The following BMPER variants were observed in gnomAD, a reference collection of about 807,000 sequenced individuals.
BMPER encodes the protein BMP-binding endothelial regulator protein.
Under a neutral mutation model 87.3 loss-of-function variants are expected in BMPER, and 45 were observed. The ratio of observed to expected loss-of-function variants is 0.52; its 90% confidence interval spans 0.41 to 0.66. BMPER has a LOEUF of 0.66. Among genes scored for constraint, BMPER ranks in the 30% least tolerant of loss-of-function variants. BMPER has a pLI of 0.00. For missense variants in BMPER, 784 were observed against 867.5 expected, an observed-to-expected ratio of 0.90 and a Z score of 1.21; for synonymous variants, 326 against 316.2, an observed-to-expected ratio of 1.03 and a Z score of -0.33.
At position 33,934,517 on chromosome 7, in the gene BMPER, C is replaced by CAA. The variant is rs11340819; in HGVS notation, c.220-2754_220-2753dup. On this transcript the variant is annotated intron_variant, in intron 2 of 14. Coordinates refer to ENST00000649409, the MANE Select transcript of BMPER (RefSeq NM_001365308.1). ...TTTAGGTTTGTTCTATGTGTGTGTA[C>CAA]AAAAAAAAAAAAAAAAAAATCCAGA... is the stretch of plus-strand genomic sequence containing the variant. 2.0e-3 allele frequency among the ~76,000 whole-genome samples: 119 copies of CAA among 59,298 alleles called. 3 individuals are homozygous for CAA. The East Asian group carries it at 0.03, about 15-fold the overall frequency. The allele number at this position is 59,298 out of a possible 152,430, so 38.9% of individuals were successfully genotyped here.
chr7:33,962,606 A>G (rs1382305683), intron 3 of BMPER, among the ~76,000 whole-genome samples: 1 of 152,178 alleles, frequency 6.6e-6, no homozygotes, highest in Non-Finnish European at 1.5e-5. Flanking sequence ...TCCCCTGGGT[A>G]GGGCTTAGGG....
At chr7:34,127,718 C>G (rs1562760748) in intron 13 of BMPER, among the ~76,000 whole-genome samples, 1 of 152,262 alleles carries the variant, frequency 6.6e-6, no homozygotes, top group South Asian at 2.1e-4. Flanking sequence ...TCTTCTTTTT[C>G]CCTTTTGCCT....
chr7:34,118,000 G>A (rs1159800048), intron 13 of BMPER, among the ~76,000 whole-genome samples: 1 of 152,046 alleles, frequency 6.6e-6, no homozygotes, highest in East Asian at 1.9e-4. Context: ...ACCGAGCTTT[G>A]AATTTATTTA....
At chr7:33,997,637 G>T (rs937989524) in intron 6 of BMPER, among the ~76,000 whole-genome samples, 1 of 152,106 alleles carries the variant, frequency 6.6e-6, no homozygotes, top group African/African-American at 2.4e-5. Context: ...CCAGTCTTGG[G>T]TATTTCTTTA....
intron 2 of BMPER, among the ~76,000 whole-genome samples, chr7:33,916,836 T>C (rs1784096665): frequency 6.6e-6 from 1 of 151,880 alleles, no homozygotes; most frequent in African/African-American, 2.4e-5. Flanking sequence ...TTCCTGTTTA[T>C]AGTTGGGGTT....
At chr7:34,118,885 A>AC (rs1040924867) in intron 13 of BMPER, among the ~76,000 whole-genome samples, 62 of 151,918 alleles carry the variant, frequency 4.1e-4, no homozygotes, top group African/African-American at 1.5e-3. Flanking sequence ...ATGCAGCGTC[A>AC]CCTCTTGCCT....
Position 33,905,757 on chromosome 7 carries a change from G to C in BMPER, c.133+11G>C. On this transcript the variant is annotated intron_variant, in intron 1 of 14. Coordinates refer to ENST00000649409, the MANE Select transcript of BMPER (RefSeq NM_001365308.1). The stretch of plus-strand genomic sequence containing the variant: ...CCTCCTTCTTGACAGGTAGGGGAGG[G>C]GGCGGGAGGGACCGGCCCTCCGGGA... 6.2e-7 allele frequency: 1 copy of C among 1,610,136 alleles called. No homozygotes were observed.
chr7:34,065,289 C>T (rs1402457902), intron 11 of BMPER, among the ~76,000 whole-genome samples: 1 of 147,802 alleles, frequency 6.8e-6, no homozygotes, highest in African/African-American at 2.5e-5. Flanking sequence ...GCGGAGTTTT[C>T]AACCTCAGTC....
chr7:34,147,413 G>A (rs2127995825), intron 14 of BMPER, among the ~76,000 whole-genome samples: 1 of 152,308 alleles, frequency 6.6e-6, no homozygotes, highest in East Asian at 1.9e-4. Context: ...CGGTTTTAAT[G>A]CCCCTTTGAG....
chr7:34,040,573 A>T (rs562152887), intron 6 of BMPER, among the ~76,000 whole-genome samples: 1 of 152,174 alleles, frequency 6.6e-6, no homozygotes, highest in South Asian at 2.1e-4. Flanking sequence ...CCCACTGCCT[A>T]GATTGAGCAC....
intron 13 of BMPER, among the ~76,000 whole-genome samples, chr7:34,106,157 T>G (rs1162233215): frequency 1.3e-5 from 2 of 152,318 alleles, no homozygotes; most frequent in Non-Finnish European, 2.9e-5. Flanking sequence ...GAAAGGGGAC[T>G]CTACGTATCC....
intron 11 of BMPER, among the ~76,000 whole-genome samples, chr7:34,063,133 C>T (rs912910526): frequency 1.3e-5 from 2 of 152,154 alleles, no homozygotes; most frequent in African/African-American, 4.8e-5. Flanking sequence ...TTAGTAATGT[C>T]ACTGTCAAAT....
chr7:34,045,694 C>T (rs1787944446), intron 6 of BMPER, among the ~76,000 whole-genome samples: 1 of 152,136 alleles, frequency 6.6e-6, no homozygotes, highest in African/African-American at 2.4e-5. Context: ...TATGGGCTTT[C>T]AGTGTATCCA....
chr7:33,999,851 A>T (rs1304598254), intron 6 of BMPER, among the ~76,000 whole-genome samples: 3 of 152,218 alleles, frequency 2.0e-5, no homozygotes, highest in African/African-American at 7.2e-5. Flanking sequence ...ACCTTCCCTC[A>T]ATTCCTTCTG....
chr7:33,905,454 CA>C, upstream of BMPER: 4 of 431,396 alleles, frequency 9.3e-6, no homozygotes, highest in Admixed American at 5.5e-5. Flanking sequence ...CGCCCTCCCT[CA>C]CACCCCCCCG....
chr7:34,068,150 T>C (rs1387292395), intron 11 of BMPER, among the ~76,000 whole-genome samples: 1 of 152,170 alleles, frequency 6.6e-6, no homozygotes, highest in African/African-American at 2.4e-5. Context: ...TTGGTTTCAT[T>C]TGATTATCAC....
At chr7:34,076,437 A>G (rs977194698) in intron 11 of BMPER, among the ~76,000 whole-genome samples, 1 of 152,212 alleles carries the variant, frequency 6.6e-6, no homozygotes, top group Non-Finnish European at 1.5e-5. Flanking sequence ...GGGGTTGTGC[A>G]TATTAATTTT....
At chr7:33,906,648 T>C (rs1783824818) in intron 1 of BMPER, among the ~76,000 whole-genome samples, 170 bp from the exon 2 acceptor site, 1 of 152,130 alleles carries the variant, frequency 6.6e-6, no homozygotes, top group Admixed American at 6.5e-5. Context: ...TTATTGAAAA[T>C]GGAGTTGGGG....
At chr7:33,946,941 C>A (rs1189988915) in intron 3 of BMPER, among the ~76,000 whole-genome samples, 2 of 152,194 alleles carry the variant, frequency 1.3e-5, no homozygotes, top group Non-Finnish European at 2.9e-5. Flanking sequence ...AATAGTGCTG[C>A]TTACCAAATT....
Sources: gnomAD v4.1 joint callset for allele counts (sites outside exome capture counted in the v4.1 genomes callset) on GRCh38, gnomAD v4.1.1 for gene constraint, MANE v1.5 for transcripts, NCBI Gene and HGNC (gene_info 2026-07-23, HGNC 2026-07-21) for gene names.